The following CCDC60 variants were observed in gnomAD, a reference collection of about 807,000 sequenced individuals.
CCDC60 encodes the protein coiled-coil domain-containing protein 60.
Under a neutral mutation model 63.5 loss-of-function variants are expected in CCDC60, and 54 were observed. The ratio of observed to expected loss-of-function variants is 0.85; its 90% CI spans 0.68 to 1.07. The LOEUF is 1.07. Ranked by LOEUF, CCDC60 falls within the 50% of genes least tolerant of loss-of-function variation. The probability of loss-of-function intolerance (pLI) is 0.00; values close to 1 mark genes in which losing one functional copy is unlikely to be tolerated. For synonymous variants in CCDC60, 206 were observed against 238.8 expected, an observed-to-expected ratio of 0.86 and a Z score of 1.27; for missense variants, 651 against 684.3, an observed-to-expected ratio of 0.95 and a Z score of 0.54.
chr12:119,335,505 A>C (rs1955461732), intron 1 of CCDC60, among the ~76,000 whole-genome samples: 1 of 150,292 alleles, frequency 6.7e-6, no homozygotes, highest in Non-Finnish European at 1.5e-5. Context: ...CTGGTGTGAG[A>C]TGGTATCTCA....
At chr12:119,528,883 A>C in intron 12 of CCDC60, 137 bp downstream of exon 12, 1 of 816,076 alleles carries the variant, frequency 1.2e-6, no homozygotes, top group Non-Finnish European at 1.8e-6. Flanking sequence ...CATCAACAGG[A>C]TCCCCCACCC....
chr12:119,453,123 A>G (rs1161328652), intron 2 of CCDC60, among the ~76,000 whole-genome samples: 1 of 152,170 alleles, frequency 6.6e-6, no homozygotes, highest in Non-Finnish European at 1.5e-5. Flanking sequence ...CACCATACCC[A>G]GCCAGAACTT....
intron 1 of CCDC60, among the ~76,000 whole-genome samples, chr12:119,384,412 T>C (rs1470835992): frequency 6.6e-6 from 1 of 152,202 alleles, no homozygotes; most frequent in African/African-American, 2.4e-5. Flanking sequence ...TGAGTTTCTG[T>C]ATCTGGCAAA....
At chr12:119,387,623 C>T (rs576859317) in intron 1 of CCDC60, among the ~76,000 whole-genome samples, 5 of 152,278 alleles carry the variant, frequency 3.3e-5, no homozygotes, top group Admixed American at 6.5e-5. Flanking sequence ...AATCTTTACA[C>T]ATTTTATTTT....
At chr12:119,447,135 C>T (rs377496004) in intron 2 of CCDC60, among the ~76,000 whole-genome samples, 8 of 152,312 alleles carry the variant, frequency 5.3e-5, no homozygotes, top group African/African-American at 1.9e-4. Flanking sequence ...AGAGGTTTTA[C>T]ATCTGCTGGG....
chr12:119,522,839 C>A (rs1952565111), intron 9 of CCDC60, 100 bp from the exon 10 acceptor site: 16 of 1,010,870 alleles, frequency 1.6e-5, no homozygotes, highest in Admixed American at 1.2e-4. Context: ...ACCTCCCATG[C>A]CTGAATCCTG....
intron 4 of CCDC60, among the ~76,000 whole-genome samples, chr12:119,482,310 G>T (rs769380696): frequency 1.3e-5 from 2 of 151,698 alleles, no homozygotes; most frequent in Non-Finnish European, 2.9e-5. Flanking sequence ...TTTACACCAG[G>T]TTTGTTACAT....
At chr12:119,488,412 G>A (rs1425015972) in intron 4 of CCDC60, among the ~76,000 whole-genome samples, 19 of 152,088 alleles carry the variant, frequency 1.2e-4, no homozygotes. Flanking sequence ...TCCAGCTGGG[G>A]GACCCCTTCT....
At chr12:119,507,573 TATATACACATATATATACA>T (rs1952063965) in intron 7 of CCDC60, among the ~76,000 whole-genome samples, 1 of 39,248 alleles carries the variant, frequency 2.5e-5, no homozygotes, top group African/African-American at 2.0e-4. Flanking sequence ...TATATATGTA[TATATACACATATATATACA>T]TATATATATA....
chr12:119,357,597 G>C (rs1955731133), intron 1 of CCDC60, among the ~76,000 whole-genome samples: 1 of 152,102 alleles, frequency 6.6e-6, no homozygotes, highest in Non-Finnish European at 1.5e-5. Flanking sequence ...TGGGATTACA[G>C]GCATGTGCCA....
rs371877926 is a variant in CCDC60, at chr12:119,540,765, T to C, written c.*50T>C. ...CTCAGTGGAGGAGTGTTTGCCTATATCATGTTCCTGTATCCTGCCTGTGTT... is the reference window on the plus strand; with the variant it reads ...CTCAGTGGAGGAGTGTTTGCCTATACCATGTTCCTGTATCCTGCCTGTGTT... On this transcript the variant is annotated 3_prime_UTR_variant, in exon 14 of 14. Coordinates refer to ENST00000327554, the MANE Select transcript of CCDC60 (RefSeq NM_178499.5). The C allele has an allele frequency of 4.7e-5, 62 of 1,308,646 alleles. No individual in the cohort carries two copies. The African/African-American group carries it at 8.7e-4, about 18-fold the overall frequency. 81.1% of individuals were successfully genotyped at this position (1,308,646 alleles called of 1,614,324 possible).
intron 2 of CCDC60, among the ~76,000 whole-genome samples, chr12:119,457,660 C>A (rs764070334): frequency 8.5e-5 from 13 of 152,142 alleles, no homozygotes; most frequent in Non-Finnish European, 1.8e-4. Context: ...AAATCATTAG[C>A]ACTCAGGAAA....
intron 1 of CCDC60, among the ~76,000 whole-genome samples, chr12:119,413,381 C>G (rs948799680): frequency 6.6e-6 from 1 of 152,210 alleles, no homozygotes; most frequent in African/African-American, 2.4e-5. Context: ...TGTTATATCG[C>G]TGCATCGCTA....
chr12:119,376,330 C>G (rs1372654393), intron 1 of CCDC60, among the ~76,000 whole-genome samples: 1 of 152,134 alleles, frequency 6.6e-6, no homozygotes, highest in African/African-American at 2.4e-5. Context: ...TCCAATTAAC[C>G]AGAATGAAGA....
At chr12:119,356,663 T>G (rs1955722238) in intron 1 of CCDC60, among the ~76,000 whole-genome samples, 2 of 152,236 alleles carry the variant, frequency 1.3e-5, no homozygotes, top group South Asian at 4.1e-4. Flanking sequence ...ATTTTTCACT[T>G]TATTCCTGTG....
intron 1 of CCDC60, chr12:119,402,203 C>T (rs1371318009): frequency 6.6e-6 from 1 of 152,186 alleles, no homozygotes; most frequent in Non-Finnish European, 1.5e-5. Context: ...TCTCACCTTG[C>T]ACACAAGGAA....
chr12:119,468,469 T>C (rs946857580), intron 2 of CCDC60, among the ~76,000 whole-genome samples: 3 of 152,202 alleles, frequency 2.0e-5, no homozygotes, highest in African/African-American at 7.2e-5. Flanking sequence ...TGACTGATCC[T>C]TGCCTGCAAC....
chr12:119,402,985 C>A (rs1413517953), intron 1 of CCDC60, among the ~76,000 whole-genome samples: 1 of 152,140 alleles, frequency 6.6e-6, no homozygotes, highest in Non-Finnish European at 1.5e-5. Flanking sequence ...CACAAATAAA[C>A]CTAGCTTTAG....
Position 119,342,667 on chromosome 12 carries a change from C to T in CCDC60, c.90+7401C>T, listed in dbSNP as rs550462325. Reference sequence around the variant, plus strand: ...AAAAGTAGAGTTCCCCCAGTGGGAACATTTATTCACTCAACTAACATGTAT... The same window carrying T: ...AAAAGTAGAGTTCCCCCAGTGGGAATATTTATTCACTCAACTAACATGTAT... On this transcript the variant is annotated intron_variant, in intron 1 of 13. Transcript: ENST00000327554. 4.6e-5 allele frequency among the ~76,000 whole-genome samples: 7 copies of T among 152,330 alleles called. No homozygotes were observed. In the East Asian group the frequency reaches 1.2e-3, roughly 25 times the overall value.
Sources: gnomAD v4.1 joint callset for allele counts (sites outside exome capture counted in the v4.1 genomes callset) on GRCh38, gnomAD v4.1.1 for gene constraint, MANE v1.5 for transcripts, NCBI Gene and HGNC (gene_info 2026-07-23, HGNC 2026-07-21) for gene names.